The following ATCAY variants were observed in gnomAD, a reference collection of about 807,000 sequenced individuals.
ATCAY encodes the protein caytaxin.
In ATCAY, 22 loss-of-function variants were observed where a neutral mutation model predicts 47.7. The observed-to-expected ratio is 0.46, with a 90% CI of 0.33 to 0.66. The LOEUF (loss-of-function observed/expected upper bound fraction) is 0.66, where lower values mean the gene tolerates loss of function less well. ATCAY is among the 30% of genes least tolerant of loss of function. The probability of loss-of-function intolerance (pLI) is 0.02; values close to 1 mark genes in which losing one functional copy is unlikely to be tolerated. For synonymous variants in ATCAY, 216 were observed against 207.6 expected, an observed-to-expected ratio of 1.04 and a Z score of -0.35; for missense variants, 452 against 515.0, an observed-to-expected ratio of 0.88 and a Z score of 1.18.
chr19:3,914,937 G>C (rs2145258337), intron 9 of ATCAY, among the ~76,000 whole-genome samples: 1 of 151,968 alleles, frequency 6.6e-6, no homozygotes, highest in East Asian at 1.9e-4. Flanking sequence ...ACGCAGACTT[G>C]GAAGGGAGGA....
chr19:3,908,331 G>T lies in ATCAY; in HGVS notation c.608G>T (p.Ser203Ile). 1 of 1,594,582 alleles carries T rather than the reference G, an allele frequency of 6.3e-7. No homozygotes were observed. The highest frequency in any genetic ancestry group is 8.5e-7 in the Non-Finnish European group (1 of 1,170,494). ...VFAACFLPDSSLPDYHYIMEN... is the reference protein window; with the variant it reads ...VFAACFLPDSILPDYHYIMEN... ...GCAGCCTGCTTCCTTCCAGACAGCAGCCTCCCCGACTACCACTACATCATG... is the reference window on the plus strand; with the variant it reads ...GCAGCCTGCTTCCTTCCAGACAGCATCCTCCCCGACTACCACTACATCATG... The change falls in exon 6 of 13, where the codon AGC becomes ATC. Residue 203 changes from serine (S) to isoleucine (I), a missense_variant. Ser to Ile is a moderately radical substitution (Grantham distance 142). Coordinates refer to ENST00000450849, the MANE Select transcript of ATCAY (RefSeq NM_033064.5).
chr19:3,881,983 C>T (rs1358372079), intron 1 of ATCAY, among the ~76,000 whole-genome samples: 1 of 146,990 alleles, frequency 6.8e-6, no homozygotes, highest in East Asian at 2.0e-4. Context: ...GAGTGAGAAA[C>T]GCTCACCCTG....
At position 3,907,982 on chromosome 19, in the gene ATCAY, T is replaced by C; in HGVS notation, c.544+63T>C. On this transcript the variant is annotated intron_variant, in intron 5 of 12. Transcript: ENST00000450849. The surrounding 1 kb of genome is among the most constrained non-coding windows in gnomAD (Gnocchi z 5.1). ...CCCGGCCCACTGGGCAACAGGGGGT[T>C]CGTCAGTGCCCCTCTCTGATGCACG... 6.4e-7 allele frequency: 1 copy of C among 1,551,198 alleles called. No homozygotes were observed.
intron 2 of ATCAY, among the ~76,000 whole-genome samples, chr19:3,890,881 G>A (rs1045644460): frequency 3.9e-5 from 6 of 152,072 alleles, no homozygotes; most frequent in Non-Finnish European, 8.8e-5. Context: ...TCGGCTCCTC[G>A]GTGCAGGTCC....
Position 3,907,998 on chromosome 19 carries a change from C to G in ATCAY, c.544+79C>G. On this transcript the variant is annotated intron_variant, in intron 5 of 12. Coordinates refer to ENST00000450849, the MANE Select transcript of ATCAY (RefSeq NM_033064.5). The surrounding 1 kb of genome is among the most constrained non-coding windows in gnomAD (Gnocchi z 5.1). ...ACAGGGGGTTCGTCAGTGCCCCTCT[C>G]TGATGCACGGGGATGTTAAGCCGTC... 4 of 1,494,982 alleles carry G rather than the reference C, an allele frequency of 2.7e-6. No homozygotes were observed. The highest frequency in any genetic ancestry group is 3.9e-5 in the Admixed American group (2 of 51,010). The allele number at this position is 1,494,982 out of a possible 1,614,324, so 92.6% of individuals were successfully genotyped here. A position where few individuals can be genotyped will look rare whatever the true frequency, so the allele number is the denominator to read the frequency against.
chr19:3,914,357 A>G (rs1360803670), intron 9 of ATCAY, among the ~76,000 whole-genome samples: 1 of 152,006 alleles, frequency 6.6e-6, no homozygotes, highest in Admixed American at 6.6e-5. Context: ...AAATTTGTAC[A>G]GGCAAATTCC....
At chr19:3,892,622 C>T (rs1405816364) in intron 2 of ATCAY, among the ~76,000 whole-genome samples, 1 of 152,136 alleles carries the variant, frequency 6.6e-6, no homozygotes, top group Non-Finnish European at 1.5e-5. Context: ...AGTCAGCCCT[C>T]AGGGCTGGGT....
chr19:3,887,765 C>T (rs909053126), intron 2 of ATCAY, among the ~76,000 whole-genome samples: 28 of 146,336 alleles, frequency 1.9e-4, no homozygotes, highest in Middle Eastern at 3.6e-3. Flanking sequence ...GGATTACAGG[C>T]GTGAGCCATC....
chr19:3,888,113 C>CAA (rs111548883), intron 2 of ATCAY, among the ~76,000 whole-genome samples: 116 of 141,892 alleles, frequency 8.2e-4, no homozygotes, highest in Admixed American at 2.1e-3. Context: ...GACTCCGTCT[C>CAA]AAAAAAAAAA....
intron 6 of ATCAY, among the ~76,000 whole-genome samples, chr19:3,908,722 CTCCCCTTCCCTCTCCTCCTCCCCCTCT>C (rs1322238531): frequency 3.4e-4 from 18 of 53,452 alleles, no homozygotes; most frequent in East Asian, 1.5e-3. Context: ...TCTCCTCCTC[CTCCCCTTCCCTCTCCTCCTCCCCCTCT>C]TCCCCTTCCC....
intron 1 of ATCAY, among the ~76,000 whole-genome samples, chr19:3,885,190 G>A (rs535556458): frequency 1.2e-3 from 176 of 150,818 alleles, no homozygotes; most frequent in Middle Eastern, 7.3e-3. Context: ...AGGCTGAGGC[G>A]GGTAGACCGC....
At chr19:3,919,683 G>T (rs2038999323) in intron 11 of ATCAY, among the ~76,000 whole-genome samples, 1 of 151,512 alleles carries the variant, frequency 6.6e-6, no homozygotes, top group Non-Finnish European at 1.5e-5. Flanking sequence ...GATGGCTGGA[G>T]CCCAGGAGGT....
intron 2 of ATCAY, among the ~76,000 whole-genome samples, chr19:3,888,757 A>G (rs1414365141): frequency 6.6e-6 from 1 of 152,106 alleles, no homozygotes; most frequent in Non-Finnish European, 1.5e-5. Flanking sequence ...AATGCCTTGA[A>G]GTAATCGGTC....
intron 12 of ATCAY, among the ~76,000 whole-genome samples, chr19:3,922,396 T>C (rs1187812473): frequency 6.6e-6 from 1 of 152,304 alleles, no homozygotes; most frequent in East Asian, 1.9e-4. Context: ...CGAGAAGTGC[T>C]GAGCAAAGGG....
rs371484034 is a variant in ATCAY at position 3,913,751 on chromosome 19, C to T, written c.867-7C>T. The T allele has an allele frequency of 8.7e-6, 14 of 1,613,052 alleles. No homozygotes were observed. The highest frequency in any genetic ancestry group is 1.3e-5 in the African/African-American group (1 of 74,870). ...TTCAGACCTCTCCCTCCTTCTCCCC[C>T]CGCCAGCGTCAAGTTCATCAACAAG... On this transcript the variant is annotated splice_polypyrimidine_tract_variant and splice_region_variant and intron_variant, in intron 8 of 12. Coordinates refer to ENST00000450849, the MANE Select transcript of ATCAY (RefSeq NM_033064.5).
chr19:3,922,210 C>T (rs750795841), intron 12 of ATCAY: 18 of 701,538 alleles, frequency 2.6e-5, no homozygotes, highest in South Asian at 1.6e-4. Flanking sequence ...AAGTTCCAAC[C>T]CTAAGTCACG....
At position 3,927,848 on chromosome 19, in the gene ATCAY, T is replaced by G. The variant is rs1046007969; in HGVS notation, c.*3256T>G. The G allele has an allele frequency of 6.6e-6, 1 of 152,252 alleles. No individual in the cohort carries two copies. Among genetic ancestry groups the G allele is most frequent in the African/African-American group, 2.4e-5 (1 of 41,448 alleles). 9.4% of individuals were successfully genotyped at this position (152,252 alleles called of 1,614,324 possible). A position where few individuals can be genotyped will look rare whatever the true frequency, so the allele number is the denominator to read the frequency against. On this transcript the variant is annotated 3_prime_UTR_variant, in exon 13 of 13. Coordinates refer to ENST00000450849, the MANE Select transcript of ATCAY (RefSeq NM_033064.5). ...GGGGTGTGGTTTGGCCAAAATGCAATGGACCCCGACCCCTCCTCGTAAAAG... is the reference window on the plus strand; with the variant it reads ...GGGGTGTGGTTTGGCCAAAATGCAAGGGACCCCGACCCCTCCTCGTAAAAG...
At chr19:3,883,144 G>A (rs1239434447) in intron 1 of ATCAY, among the ~76,000 whole-genome samples, 1 of 152,108 alleles carries the variant, frequency 6.6e-6, no homozygotes, top group Admixed American at 6.6e-5. Context: ...CACTTTGGGA[G>A]GCAGGTGGAT....
intron 1 of ATCAY, among the ~76,000 whole-genome samples, chr19:3,884,960 G>A (rs2038634998): frequency 6.6e-6 from 1 of 151,720 alleles, no homozygotes; most frequent in South Asian, 2.1e-4. Flanking sequence ...AATTACCCAG[G>A]CATGATGGTA....
Sources: gnomAD v4.1 joint callset for allele counts (sites outside exome capture counted in the v4.1 genomes callset) on GRCh38, gnomAD v4.1.1 for gene constraint, Gnocchi (gnomAD v3.1) non-coding constraint, MANE v1.5 for transcripts, NCBI Gene and HGNC (gene_info 2026-07-23, HGNC 2026-07-21) for gene names.